The following NELL2 variants were observed in gnomAD, a reference collection of about 807,000 sequenced individuals.
NELL2 encodes protein kinase C-binding protein NELL2.
In NELL2, 41 loss-of-function variants were observed where a neutral mutation model predicts 109.6. The ratio of observed to expected loss-of-function variants is 0.37; its 90% CI spans 0.29 to 0.49. The LOEUF is 0.49. Ranked by LOEUF, NELL2 falls within the 20% of genes least tolerant of loss-of-function variation. The pLI, the probability that NELL2 is intolerant of heterozygous loss-of-function variation, is 0.98. For synonymous variants in NELL2, 355 were observed against 344.7 expected (o/e 1.03, Z -0.33); for missense variants, 900 against 1,008.3 (o/e 0.89, Z 1.45).
At chr12:44,689,449 A>C (rs1371428465) in intron 12 of NELL2, among the ~76,000 whole-genome samples, 1 of 152,172 alleles carries the variant, frequency 6.6e-6, no homozygotes, top group African/African-American at 2.4e-5. Context: ...TCTGTACTAA[A>C]TGTAAGAGTT....
Position 44,861,310 on chromosome 12 carries a change from A to C in NELL2, c.184+13915T>G, listed in dbSNP as rs370229646. ...TCAGTAAAGCTCAACACTAGGCACGACTCCACAGTCACAGACTCTAGGCTG... is the reference window on the plus strand; with the variant it reads ...TCAGTAAAGCTCAACACTAGGCACGCCTCCACAGTCACAGACTCTAGGCTG... On this transcript the variant is annotated intron_variant, in intron 2 of 19. Transcript: ENST00000429094. Among the ~76,000 whole-genome samples, 100 of 151,980 alleles carry C rather than the reference A, an allele frequency of 6.6e-4. 2 individuals carry two copies. In the South Asian group the frequency reaches 0.011, roughly 16 times the overall value.
chr12:44,742,109 A>C (rs370989539), intron 9 of NELL2, among the ~76,000 whole-genome samples: 12 of 152,260 alleles, frequency 7.9e-5, no homozygotes, highest in Non-Finnish European at 1.6e-4. Context: ...CTCCGAGACA[A>C]AACTTCCAGA....
intron 12 of NELL2, among the ~76,000 whole-genome samples, chr12:44,679,431 A>C (rs1439136177): frequency 6.6e-6 from 1 of 152,126 alleles, no homozygotes; most frequent in Admixed American, 6.5e-5. Context: ...CAGGACTCAA[A>C]GCATGAACAC....
Position 44,876,076 on chromosome 12 carries a change from G to A in NELL2, c.-207C>T. 2.1e-6 allele frequency: 3 copies of A among 1,411,318 alleles called. No homozygotes were observed. The highest frequency in any genetic ancestry group is 2.8e-5 in the Admixed American group (1 of 35,990). The allele number at this position is 1,411,318 out of a possible 1,614,324, so 87.4% of individuals were successfully genotyped here. A position where few individuals can be genotyped will look rare whatever the true frequency, so the allele number is the denominator to read the frequency against. The stretch of plus-strand genomic sequence containing the variant: ...GTGAAGAACTTAGACCCTCCAATGC[G>A]CACATCATTCCCACACGCAGGGCCG... On this transcript the variant is annotated 5_prime_UTR_variant, in exon 1 of 20. Coordinates refer to ENST00000429094, the MANE Select transcript of NELL2 (RefSeq NM_001145108.2).
At chr12:44,563,370 G>A (rs999626180) in intron 15 of NELL2, among the ~76,000 whole-genome samples, 1 of 151,958 alleles carries the variant, frequency 6.6e-6, no homozygotes, top group Admixed American at 6.6e-5. Context: ...AATTATAGGT[G>A]ATTTTTTTTC....
chr12:44,840,824 T>C (rs563415240), intron 2 of NELL2, among the ~76,000 whole-genome samples: 1 of 152,330 alleles, frequency 6.6e-6, no homozygotes, highest in South Asian at 2.1e-4. Context: ...ATTCATTTTC[T>C]TTCTTTTTTT....
At chr12:44,570,318 G>A (rs1167998306) in intron 15 of NELL2, among the ~76,000 whole-genome samples, 2 of 152,122 alleles carry the variant, frequency 1.3e-5, no homozygotes, top group Admixed American at 1.3e-4. Context: ...CATTGTGAGA[G>A]GGATTTTTCC....
Position 44,845,594 on chromosome 12 carries a change from A to G in NELL2, c.185-29458T>C, listed in dbSNP as rs79525615. Among the ~76,000 whole-genome samples, 1,138 of 152,330 alleles carry G rather than the reference A, an allele frequency of 7.5e-3. 6 individuals are homozygous for G. Among genetic ancestry groups the G allele is most frequent in the Non-Finnish European group, 0.013 (857 of 68,014 alleles). On this transcript the variant is annotated intron_variant, in intron 2 of 19. Coordinates refer to ENST00000429094, the MANE Select transcript of NELL2 (RefSeq NM_001145108.2). ...TGTTGGACAGCTTTGATTACAGAGAAGCTGGGGTGAAAGGCAGTCCTAAGG... is the reference window on the plus strand; with the variant it reads ...TGTTGGACAGCTTTGATTACAGAGAGGCTGGGGTGAAAGGCAGTCCTAAGG...
intron 9 of NELL2, among the ~76,000 whole-genome samples, chr12:44,715,096 TAATATGAG>T (rs1364893787): frequency 1.3e-5 from 2 of 151,806 alleles, no homozygotes; most frequent in African/African-American, 4.8e-5. Context: ...AAATCAGGGG[TAATATGAG>T]ACTCAGGGAA....
chr12:44,682,826 G>A (rs557302054), intron 12 of NELL2, among the ~76,000 whole-genome samples: 2 of 152,328 alleles, frequency 1.3e-5, no homozygotes, highest in South Asian at 4.1e-4. Flanking sequence ...CTGCAGCCTT[G>A]TAGTATAGTT....
chr12:44,853,410 T>C (rs1944587814), intron 2 of NELL2, among the ~76,000 whole-genome samples: 1 of 152,150 alleles, frequency 6.6e-6, no homozygotes. Context: ...CAAACCCAAG[T>C]CTGAATTCTT....
chr12:44,701,855 G>A (rs987744310), intron 12 of NELL2, among the ~76,000 whole-genome samples: 1 of 151,972 alleles, frequency 6.6e-6, no homozygotes, highest in Non-Finnish European at 1.5e-5. Flanking sequence ...TCAATACAGG[G>A]CTGAGCATAT....
At chr12:44,569,644 T>C (rs1290646447) in intron 15 of NELL2, among the ~76,000 whole-genome samples, 1 of 152,222 alleles carries the variant, frequency 6.6e-6, no homozygotes, top group Non-Finnish European at 1.5e-5. Flanking sequence ...TTATAAAGCA[T>C]GAACACTATG....
chr12:44,750,744 C>A (rs1940615900), intron 9 of NELL2, among the ~76,000 whole-genome samples: 1 of 152,044 alleles, frequency 6.6e-6, no homozygotes, highest in South Asian at 2.1e-4. Context: ...ATATACCGCA[C>A]ATATCCAGAA....
At chr12:44,814,618 C>A (rs1943279415) in intron 3 of NELL2, among the ~76,000 whole-genome samples, 1 of 152,140 alleles carries the variant, frequency 6.6e-6, no homozygotes, top group Non-Finnish European at 1.5e-5. Context: ...GGATGGCACC[C>A]TCCCCTCAAA....
chr12:44,523,552 G>T, intron 16 of NELL2, 68 bp from the exon 17 acceptor site: 1 of 1,355,614 alleles, frequency 7.4e-7, no homozygotes, highest in Non-Finnish European at 1.0e-6. Context: ...CTGCAATCAG[G>T]CCAGTTGTCT....
In NELL2 at chr12:44,803,314, T is replaced by C. The variant is rs79041615; in HGVS notation, c.335+12672A>G. On this transcript the variant is annotated intron_variant, in intron 3 of 19. Transcript: ENST00000429094. ...GGCCAAGAAGAAAGAGTTTAGATAGTTGGTGATGTTTGAATGGGGTCTGTA... is the reference window on the plus strand; with the variant it reads ...GGCCAAGAAGAAAGAGTTTAGATAGCTGGTGATGTTTGAATGGGGTCTGTA... Among the ~76,000 whole-genome samples, 26 of 152,122 alleles carry C rather than the reference T, an allele frequency of 1.7e-4. No individual in the cohort carries two copies. In the East Asian group the frequency reaches 4.1e-3, roughly 24 times the overall value.
intron 2 of NELL2, among the ~76,000 whole-genome samples, chr12:44,850,951 C>T (rs1222921806): frequency 2.6e-5 from 4 of 152,058 alleles, no homozygotes; most frequent in Non-Finnish European, 4.4e-5. Flanking sequence ...AAGAAACAGA[C>T]AAATTTTGCT....
At chr12:44,697,154 C>T (rs1210144517) in intron 12 of NELL2, among the ~76,000 whole-genome samples, 1 of 152,162 alleles carries the variant, frequency 6.6e-6, no homozygotes, top group African/African-American at 2.4e-5. Flanking sequence ...AAGACCAAAA[C>T]ACTTCTAATA....
Sources: allele counts gnomAD v4.1 joint callset (sites outside exome capture counted in the v4.1 genomes callset), GRCh38; gene constraint gnomAD v4.1.1; transcripts MANE v1.5; gene names NCBI Gene and HGNC (gene_info 2026-07-23, HGNC 2026-07-21).